AKR1D1: variants seen among roughly 807,000 people sequenced by gnomAD.
AKR1D1 encodes aldo-keto reductase family 1 member D1, also known as delta(4)-3-ketosteroid 5-beta-reductase.
AKR1D1 carries 32 observed loss-of-function variants against 42.6 expected under a neutral mutation model. The observed-to-expected ratio is 0.75, with a 90% CI of 0.57 to 1.01. AKR1D1 has a LOEUF of 1.01. Among genes scored for constraint, AKR1D1 ranks in the 50% least tolerant of loss-of-function variants. The pLI, the probability that AKR1D1 is intolerant of heterozygous loss-of-function variation, is 0.00. For missense variants in AKR1D1, 364 were observed against 402.2 expected (o/e 0.91, Z 0.81); for synonymous variants, 123 against 135.5 (o/e 0.91, Z 0.64).
Position 138,088,675 on chromosome 7 carries a change from C to CA in AKR1D1, c.169dup (p.Ile57AsnfsTer5). 1 of 1,614,042 alleles carries CA rather than the reference C, an allele frequency of 6.2e-7. No individual in the cohort carries two copies. Among genetic ancestry groups the CA allele is most frequent in the Non-Finnish European group, 8.5e-7 (1 of 1,180,014 alleles). On this transcript the variant is annotated frameshift_variant, in exon 2 of 9. Transcript: ENST00000242375. LOFTEE classifies it high-confidence loss of function. ...GGTACCGACATATTGATGGGGCCTA[C>CA]ATCTACCAAAATGAACACGAAGTTG...
chr7:138,081,198 T>C (rs1020292727), intron 1 of AKR1D1, among the ~76,000 whole-genome samples: 1 of 152,230 alleles, frequency 6.6e-6, no homozygotes, highest in African/African-American at 2.4e-5. Flanking sequence ...GTCTACTTCA[T>C]GTATGTGGAT....
intron 7 of AKR1D1, 73 bp downstream of exon 7, chr7:138,107,653 G>C: frequency 6.6e-7 from 1 of 1,517,764 alleles, no homozygotes; most frequent in Non-Finnish European, 9.1e-7. Flanking sequence ...AATGTGTTCA[G>C]CTTAATAGGA....
At chr7:138,082,434 C>T (rs1346319234) in intron 1 of AKR1D1, among the ~76,000 whole-genome samples, 2 of 151,964 alleles carry the variant, frequency 1.3e-5, no homozygotes, top group Non-Finnish European at 2.9e-5. Context: ...GTGGTGCAAT[C>T]GTAGCTCACT....
At chr7:138,113,273 A>C (rs1794569159) in intron 7 of AKR1D1, among the ~76,000 whole-genome samples, 1 of 151,770 alleles carries the variant, frequency 6.6e-6, no homozygotes, top group South Asian at 2.1e-4. Context: ...CCAAGATGAT[A>C]CCACAGCACT....
At chr7:138,087,698 C>G (rs1434638871) in intron 1 of AKR1D1, among the ~76,000 whole-genome samples, 2 of 152,148 alleles carry the variant, frequency 1.3e-5, no homozygotes, top group Non-Finnish European at 2.9e-5. Context: ...TCCTTCCACC[C>G]ATACTTCCCC....
chr7:138,077,036 G>A (rs1802952965), intron 1 of AKR1D1, among the ~76,000 whole-genome samples: 1 of 152,094 alleles, frequency 6.6e-6, no homozygotes, highest in South Asian at 2.1e-4. Flanking sequence ...GGAAAACAAT[G>A]TCTCTGTTAT....
At chr7:138,081,910 G>T (rs1455965977) in intron 1 of AKR1D1, among the ~76,000 whole-genome samples, 1 of 152,076 alleles carries the variant, frequency 6.6e-6, no homozygotes, top group Non-Finnish European at 1.5e-5. Context: ...TATTTAGAAG[G>T]ATATATTCTA....
intron 3 of AKR1D1, among the ~76,000 whole-genome samples, chr7:138,097,036 C>T (rs1794197890): frequency 6.6e-6 from 1 of 152,124 alleles, no homozygotes; most frequent in African/African-American, 2.4e-5. Context: ...GGATTCCTAG[C>T]CCCAACCTCA....
At chr7:138,091,934 G>A in intron 3 of AKR1D1, 50 bp downstream of exon 3, 2 of 1,172,796 alleles carry the variant, frequency 1.7e-6, no homozygotes, top group Non-Finnish European at 2.6e-6. Context: ...GCAACCATGA[G>A]CCAATAGCTA....
At chr7:138,077,861 A>G (rs1245439963) in intron 1 of AKR1D1, among the ~76,000 whole-genome samples, 2 of 152,234 alleles carry the variant, frequency 1.3e-5, no homozygotes, top group East Asian at 1.9e-4. Flanking sequence ...CCAAGCCCAT[A>G]GTGCCTGGCA....
chr7:138,114,836 A>G (rs1238305708), intron 8 of AKR1D1, among the ~76,000 whole-genome samples: 1 of 152,052 alleles, frequency 6.6e-6, no homozygotes, highest in Non-Finnish European at 1.5e-5. Context: ...TTGAATCTTT[A>G]AGTGAACATT....
Position 138,106,718 on chromosome 7 carries a change from G to A in AKR1D1, c.689+1G>A, listed in dbSNP as rs575025641. The A allele has an allele frequency of 1.9e-6, 3 of 1,597,222 alleles. No homozygotes were observed. In the East Asian group the frequency reaches 6.7e-5, roughly 36 times the overall value. On this transcript the variant is annotated splice_donor_variant, in intron 6 of 8. Coordinates refer to ENST00000242375, the MANE Select transcript of AKR1D1 (RefSeq NM_005989.4). LOFTEE classifies it high-confidence loss of function. ...TGGGGACCAGTAGGAATCCAATCTG[G>A]TAAGTAAAACTTTAGGAAGCATTTC...
At chr7:138,081,566 C>T (rs1001926374) in intron 1 of AKR1D1, among the ~76,000 whole-genome samples, 3 of 119,016 alleles carry the variant, frequency 2.5e-5, no homozygotes, top group South Asian at 2.7e-4. Flanking sequence ...GCTCTTGTTG[C>T]CCCGGCTGGA....
intron 4 of AKR1D1, among the ~76,000 whole-genome samples, chr7:138,100,803 C>T (rs1364725063): frequency 7.2e-6 from 1 of 138,402 alleles, no homozygotes; most frequent in Non-Finnish European, 1.5e-5. Context: ...CTCCCAGGTT[C>T]ACGCCATTCT....
At position 138,108,337 on chromosome 7, in the gene AKR1D1, C is replaced by T. The variant is rs375697373; in HGVS notation, c.855+757C>T. Reference sequence around the variant, plus strand: ...ACAAAATTAATTAATTACCCATTAGCTAATTTACATTTCAAAAGTAAATTG... The same window carrying T: ...ACAAAATTAATTAATTACCCATTAGTTAATTTACATTTCAAAAGTAAATTG... On this transcript the variant is annotated intron_variant, in intron 7 of 8. Transcript: ENST00000242375. Among the ~76,000 whole-genome samples, 78 of 152,280 alleles carry T rather than the reference C, an allele frequency of 5.1e-4. 2 individuals are homozygous for T. In the East Asian group the frequency reaches 0.013, roughly 26 times the overall value.
chr7:138,112,043 GAT>G (rs1464426360), intron 7 of AKR1D1, among the ~76,000 whole-genome samples: 1 of 151,952 alleles, frequency 6.6e-6, no homozygotes, highest in Non-Finnish European at 1.5e-5. Context: ...AACTGTGCAG[GAT>G]TCTTCTTTGA....
rs184548096 is a variant in AKR1D1, at chr7:138,117,932, T to C, written c.*1270T>C. On this transcript the variant is annotated 3_prime_UTR_variant, in exon 9 of 9. Coordinates refer to ENST00000242375, the MANE Select transcript of AKR1D1 (RefSeq NM_005989.4). ...TACTCAGGAGGCTGAGGCAGAAGAA[T>C]GGCATGAACCCGGGAGGAGGAGCTT... The C allele has an allele frequency of 6.7e-3, 1,012 of 151,970 alleles. 8 individuals carry two copies. Among genetic ancestry groups the C allele is most frequent in the Non-Finnish European group, 0.011 (732 of 68,004 alleles). The allele number at this position is 151,970 out of a possible 1,614,324, so 9.4% of individuals were successfully genotyped here. A position where few individuals can be genotyped will look rare whatever the true frequency, so the allele number is the denominator to read the frequency against.
At chr7:138,107,694 AC>A in intron 7 of AKR1D1, 114 bp downstream of exon 7, 1 of 1,167,766 alleles carries the variant, frequency 8.6e-7, no homozygotes, top group Non-Finnish European at 1.3e-6. Flanking sequence ...TTTATTTTAT[AC>A]CAGCCCCTTG....
intron 7 of AKR1D1, among the ~76,000 whole-genome samples, chr7:138,108,325 A>C (rs1794473467): frequency 6.6e-6 from 1 of 152,202 alleles, no homozygotes; most frequent in Non-Finnish European, 1.5e-5. Flanking sequence ...AAATTAATTA[A>C]TTACCCATTA....
Sources: gnomAD v4.1 joint callset for allele counts (sites outside exome capture counted in the v4.1 genomes callset) on GRCh38, gnomAD v4.1.1 for gene constraint, MANE v1.5 for transcripts, NCBI Gene and HGNC (gene_info 2026-07-23, HGNC 2026-07-21) for gene names.